ACAP2: variants seen among roughly 807,000 people sequenced by gnomAD.
ACAP2 encodes the protein arf-GAP with coiled-coil, ANK repeat and PH domain-containing protein 2.
ACAP2 carries 39 observed loss-of-function variants against 115.8 expected under a neutral mutation model. That is an observed-to-expected ratio of 0.34 (90% confidence interval 0.26 to 0.44). The LOEUF is 0.44. ACAP2 is among the 20% of genes least tolerant of loss of function. The pLI is 1.00. For synonymous variants in ACAP2, 289 were observed against 315.8 expected (o/e 0.92, Z 0.90); for missense variants, 662 against 927.6 (o/e 0.71, Z 3.72).
At chr3:195,286,991 A>T (rs1726885509) in intron 21 of ACAP2, among the ~76,000 whole-genome samples, 2 of 152,144 alleles carry the variant, frequency 1.3e-5, no homozygotes, top group South Asian at 4.1e-4. Context: ...AATAACAGTA[A>T]CCCCTCCTGT....
chr3:195,421,863 G>C (rs1170009913), intron 1 of ACAP2, among the ~76,000 whole-genome samples: 1 of 152,134 alleles, frequency 6.6e-6, no homozygotes, highest in African/African-American at 2.4e-5. Context: ...CTTTTCAAGA[G>C]ATTCAGAAAT....
chr3:195,372,765 G>A (rs187557938), intron 4 of ACAP2, among the ~76,000 whole-genome samples: 97 of 152,150 alleles, frequency 6.4e-4, no homozygotes, highest in Non-Finnish European at 1.1e-3. Flanking sequence ...AGTGAGCTCT[G>A]ATCATACCAC....
At position 195,382,028 on chromosome 3, in the gene ACAP2, A is replaced by G; in HGVS notation, c.112-6T>C. On this transcript the variant is annotated splice_polypyrimidine_tract_variant and splice_region_variant and intron_variant, in intron 2 of 22. Transcript: ENST00000326793. The stretch of plus-strand genomic sequence containing the variant: ...GCAATACAAAGTTTCACAAGCTGAA[A>G]AAGAAAAAAAAAATTCATCAGGTTG... 1.3e-6 allele frequency: 2 copies of G among 1,597,136 alleles called. No individual in the cohort carries two copies. The highest frequency in any genetic ancestry group is 1.7e-6 in the Non-Finnish European group (2 of 1,175,682).
intron 7 of ACAP2, among the ~76,000 whole-genome samples, chr3:195,333,838 G>A (rs1342572405): frequency 1.3e-5 from 2 of 152,094 alleles, no homozygotes; most frequent in East Asian, 1.9e-4. Context: ...AAACACAAAC[G>A]CTTTACAATC....
intron 1 of ACAP2, among the ~76,000 whole-genome samples, chr3:195,394,916 T>TC (rs894091335): frequency 3.0e-5 from 4 of 135,536 alleles, no homozygotes; most frequent in Non-Finnish European, 1.6e-5. Flanking sequence ...AGACTCCATC[T>TC]CTTTTTTTTT....
Position 195,439,209 on chromosome 3 carries a change from AAGAG to A in ACAP2, c.53+3582_53+3585del, listed in dbSNP as rs1268555441. ...CTAAGGCCTTTTTTTTTTTTTTTTT[AAGAG>A]AGAGAGAGAGAGTCTAGCTCTGTTG... On this transcript the variant is annotated intron_variant, in intron 1 of 22. Coordinates refer to ENST00000326793, the MANE Select transcript of ACAP2 (RefSeq NM_012287.6). Among the ~76,000 whole-genome samples the A allele has an allele frequency of 2.2e-4, 13 of 59,548 alleles. No individual in the cohort carries two copies. The East Asian group carries it at 7.0e-3, about 32-fold the overall frequency. The allele number at this position is 59,548 out of a possible 152,430, so 39.1% of individuals were successfully genotyped here.
At chr3:195,419,238 T>C (rs954440354) in intron 1 of ACAP2, among the ~76,000 whole-genome samples, 4 of 152,156 alleles carry the variant, frequency 2.6e-5, no homozygotes, top group African/African-American at 9.7e-5. Flanking sequence ...TCCCATTACC[T>C]CTTTCCCTGC....
chr3:195,338,555 A>T (rs143997649), intron 6 of ACAP2, among the ~76,000 whole-genome samples: 1 of 152,284 alleles, frequency 6.6e-6, no homozygotes, highest in Non-Finnish European at 1.5e-5. Context: ...TCCTCGCTTC[A>T]AGCAATCCTC....
intron 1 of ACAP2, among the ~76,000 whole-genome samples, chr3:195,398,079 G>C (rs1711953142): frequency 6.6e-6 from 1 of 152,154 alleles, no homozygotes; most frequent in Non-Finnish European, 1.5e-5. Context: ...GTCAAATACA[G>C]ACTGGAGTCC....
intron 11 of ACAP2, 108 bp from the exon 12 acceptor site, chr3:195,307,431 T>C: frequency 1.5e-6 from 1 of 668,966 alleles, no homozygotes; most frequent in Non-Finnish European, 2.5e-6. Flanking sequence ...ATTTTCAAGA[T>C]TTATATTTTA....
intron 9 of ACAP2, chr3:195,325,530 G>A (rs1729738141): frequency 5.0e-6 from 2 of 399,664 alleles, no homozygotes; most frequent in African/African-American, 2.2e-5. Flanking sequence ...TTTCTTTAAA[G>A]GAAAACAGTT....
At position 195,308,849 on chromosome 3, in the gene ACAP2, C is replaced by T. The variant is rs556675191; in HGVS notation, c.858-12G>A. On this transcript the variant is annotated splice_polypyrimidine_tract_variant and intron_variant, in intron 10 of 22. Coordinates refer to ENST00000326793, the MANE Select transcript of ACAP2 (RefSeq NM_012287.6). ...TTGAAAACCAGCGCCTACAGAAACA[C>T]AAAATAGATTAAGTTTTCATAAACA... The T allele has an allele frequency of 1.3e-6, 2 of 1,597,050 alleles. No individual in the cohort carries two copies. Among genetic ancestry groups the T allele is most frequent in the Admixed American group, 1.8e-5 (1 of 55,668 alleles).
At chr3:195,381,207 T>G in intron 3 of ACAP2, 145 bp from the exon 4 acceptor site, 5 of 640,450 alleles carry the variant, frequency 7.8e-6, no homozygotes, top group South Asian at 4.1e-5. Context: ...TCACACTACC[T>G]TATGGGTACA....
chr3:195,318,908 A>G (rs1729263487), intron 10 of ACAP2, among the ~76,000 whole-genome samples: 1 of 152,210 alleles, frequency 6.6e-6, no homozygotes, highest in Non-Finnish European at 1.5e-5. Context: ...GCATGTAAGA[A>G]ATCTTTGAGG....
intron 4 of ACAP2, among the ~76,000 whole-genome samples, chr3:195,360,824 A>G (rs751118627): frequency 6.6e-6 from 1 of 151,886 alleles, no homozygotes; most frequent in Admixed American, 6.6e-5. Flanking sequence ...AAGGAAAAAG[A>G]AAAGAAAAAA....
chr3:195,425,021 C>T (rs1346173012), intron 1 of ACAP2, among the ~76,000 whole-genome samples: 1 of 77,568 alleles, frequency 1.3e-5, no homozygotes, highest in Non-Finnish European at 2.4e-5. Flanking sequence ...AGCGAGACTC[C>T]GTCTCAAAAA....
chr3:195,310,984 T>C (rs1286588588), intron 10 of ACAP2, among the ~76,000 whole-genome samples: 3 of 152,104 alleles, frequency 2.0e-5, no homozygotes, highest in Admixed American at 6.5e-5. Flanking sequence ...TTAAAAAAAC[T>C]AGTAACATTG....
intron 21 of ACAP2, among the ~76,000 whole-genome samples, chr3:195,286,097 G>C (rs761371599): frequency 6.6e-6 from 1 of 152,200 alleles, no homozygotes; most frequent in South Asian, 2.1e-4. Flanking sequence ...TAGCTGTACT[G>C]CAGCAGCATC....
chr3:195,310,583 T>TA (rs1170465517), intron 10 of ACAP2, among the ~76,000 whole-genome samples: 1 of 152,234 alleles, frequency 6.6e-6, no homozygotes, highest in Non-Finnish European at 1.5e-5. Flanking sequence ...TGATGAAAGC[T>TA]ACGAAGAGTT....
Sources: allele counts gnomAD v4.1 joint callset (sites outside exome capture counted in the v4.1 genomes callset), GRCh38; gene constraint gnomAD v4.1.1; transcripts MANE v1.5; gene names NCBI Gene and HGNC (gene_info 2026-07-23, HGNC 2026-07-21).